Variants in DCUN1D4 observed in about 807,000 individuals in gnomAD.
DCUN1D4 encodes DCN1-like protein 4.
A neutral mutation model predicts 47.9 loss-of-function variants in DCUN1D4; 22 were observed. The observed-to-expected ratio is 0.46, with a 90% CI of 0.33 to 0.66. The LOEUF is 0.66. DCUN1D4 is among the 30% of genes least tolerant of loss of function. The probability of loss-of-function intolerance (pLI) is 0.02; values close to 1 mark genes in which losing one functional copy is unlikely to be tolerated. For missense variants in DCUN1D4, 301 were observed against 340.8 expected, an observed-to-expected ratio of 0.88 and a Z score of 0.92; for synonymous variants, 121 against 112.2, an observed-to-expected ratio of 1.08 and a Z score of -0.50.
chr4:51,904,506 A>G (rs1384316132), intron 8 of DCUN1D4, among the ~76,000 whole-genome samples: 2 of 151,632 alleles, frequency 1.3e-5, no homozygotes, highest in Non-Finnish European at 2.9e-5. Flanking sequence ...GCCACCTTGA[A>G]CTCCAAGCTC....
At chr4:51,838,968 G>T (rs1235237430), upstream of DCUN1D4, among the ~76,000 whole-genome samples, 1 of 152,110 alleles carries the variant, frequency 6.6e-6, no homozygotes, top group African/African-American at 2.4e-5. Flanking sequence ...CCAGCTACTT[G>T]AGAGGCTGAG....
intron 1 of DCUN1D4, chr4:51,843,496 G>A (rs1304235960): frequency 7.8e-7 from 1 of 1,287,714 alleles, no homozygotes; most frequent in Admixed American, 4.2e-5. Context: ...GGGCGGAGGT[G>A]AGGGGGGTGG....
intron 5 of DCUN1D4, among the ~76,000 whole-genome samples, chr4:51,878,599 C>T (rs1276921118): frequency 6.6e-6 from 1 of 152,146 alleles, no homozygotes; most frequent in Non-Finnish European, 1.5e-5. Flanking sequence ...ATCATACATA[C>T]ATTCCTGAAC....
chr4:51,843,028 C>G, upstream of DCUN1D4: 7 of 1,358,998 alleles, frequency 5.2e-6, no homozygotes, highest in South Asian at 1.7e-5. Context: ...GTTGCCAGCT[C>G]CAGACCGGCG....
rs1734020879 is a variant in DCUN1D4, at chr4:51,913,591, A to G, written c.*7A>G. 1 of 1,610,678 alleles carries G rather than the reference A, an allele frequency of 6.2e-7. No homozygotes were observed. Among genetic ancestry groups the G allele is most frequent in the Non-Finnish European group, 8.5e-7 (1 of 1,177,914 alleles). On this transcript the variant is annotated 3_prime_UTR_variant, in exon 11 of 11. Coordinates refer to ENST00000334635, the MANE Select transcript of DCUN1D4 (RefSeq NM_001040402.3). ...AGACAAACAGATGTCCTAGGACTTTATGCATAGCAGCGAGAGAGTCACTGT... is the reference window on the plus strand; with the variant it reads ...AGACAAACAGATGTCCTAGGACTTTGTGCATAGCAGCGAGAGAGTCACTGT...
intron 3 of DCUN1D4, among the ~76,000 whole-genome samples, chr4:51,869,781 G>C (rs1356840416): frequency 2.0e-5 from 3 of 152,114 alleles, no homozygotes. Context: ...TATTAGGATA[G>C]ACCTGTTGAA....
chr4:51,843,109 G>A, upstream of DCUN1D4: 1 of 1,457,732 alleles, frequency 6.9e-7, no homozygotes, highest in Non-Finnish European at 9.0e-7. Context: ...AGCCAATGGA[G>A]AAGGCGAGAT....
At chr4:51,897,198 A>T (rs973626990) in intron 7 of DCUN1D4, among the ~76,000 whole-genome samples, 1 of 152,180 alleles carries the variant, frequency 6.6e-6, no homozygotes, top group Non-Finnish European at 1.5e-5. Context: ...TATTTTCCAC[A>T]TTAGGAAGAA....
chr4:51,867,799 C>T (rs1452679236), intron 3 of DCUN1D4, among the ~76,000 whole-genome samples: 4 of 152,252 alleles, frequency 2.6e-5, no homozygotes, highest in Admixed American at 2.6e-4. Context: ...TCAGGCCATT[C>T]CAGGCTTGAA....
At chr4:51,904,926 C>T (rs1415424111) in intron 8 of DCUN1D4, among the ~76,000 whole-genome samples, 1 of 151,970 alleles carries the variant, frequency 6.6e-6, no homozygotes, top group Non-Finnish European at 1.5e-5. Context: ...TTTTAATATC[C>T]CAAATATTAT....
chr4:51,907,651 C>T (rs1285289123), intron 8 of DCUN1D4, among the ~76,000 whole-genome samples: 9 of 152,178 alleles, frequency 5.9e-5, no homozygotes, highest in South Asian at 4.2e-4. Context: ...TAATTTTTCC[C>T]GTTGAATTTT....
chr4:51,842,546 C>T (rs1024246442), upstream of DCUN1D4, among the ~76,000 whole-genome samples: 9 of 152,232 alleles, frequency 5.9e-5, no homozygotes. Flanking sequence ...TAAGACGCGG[C>T]AATTCTTAAT....
At chr4:51,909,276 A>G (rs1207464481) in intron 8 of DCUN1D4, 1 of 267,582 alleles carries the variant, frequency 3.7e-6, no homozygotes, top group Non-Finnish European at 7.4e-6. Context: ...TGCAAAGGGA[A>G]AACTCTTCCA....
chr4:51,867,967 C>T (rs768761147), intron 3 of DCUN1D4, among the ~76,000 whole-genome samples: 2 of 152,260 alleles, frequency 1.3e-5, no homozygotes, highest in African/African-American at 4.8e-5. Flanking sequence ...TCGGCTTCCC[C>T]CTCGTGCTTG....
At chr4:51,868,221 A>G (rs1726280439) in intron 3 of DCUN1D4, among the ~76,000 whole-genome samples, 1 of 152,156 alleles carries the variant, frequency 6.6e-6, no homozygotes, top group African/African-American at 2.4e-5. Context: ...GTCCGCAGCC[A>G]TGGCTGGGCG....
chr4:51,846,642 A>G (rs1158423062), intron 1 of DCUN1D4, among the ~76,000 whole-genome samples: 2 of 152,220 alleles, frequency 1.3e-5, no homozygotes, highest in Non-Finnish European at 2.9e-5. Context: ...ACCTGTGAGA[A>G]ACTGACCTCA....
At chr4:51,854,848 AC>A (rs1185067765) in intron 1 of DCUN1D4, among the ~76,000 whole-genome samples, 1 of 152,224 alleles carries the variant, frequency 6.6e-6, no homozygotes, top group African/African-American at 2.4e-5. Context: ...CCCAAAATGC[AC>A]CAAAATCTGA....
At chr4:51,839,571 A>G (rs1020927748), upstream of DCUN1D4, among the ~76,000 whole-genome samples, 7 of 152,226 alleles carry the variant, frequency 4.6e-5, no homozygotes, top group Admixed American at 2.6e-4. Flanking sequence ...CCTGCCCTCT[A>G]TGGATAAATT....
chr4:51,905,132 G>A, intron 8 of DCUN1D4: 1 of 447,150 alleles, frequency 2.2e-6, no homozygotes, highest in South Asian at 1.6e-5. Flanking sequence ...ATAGTACTTG[G>A]CTATAAAGTT....
Sources: allele counts gnomAD v4.1 joint callset (sites outside exome capture counted in the v4.1 genomes callset), GRCh38; gene constraint gnomAD v4.1.1; transcripts MANE v1.5; gene names NCBI Gene and HGNC (gene_info 2026-07-23, HGNC 2026-07-21).